The following MRTFA variants were observed in gnomAD, a reference collection of about 807,000 sequenced individuals.
MRTFA encodes myocardin related transcription factor A, also known as myocardin-related transcription factor A.
Under a neutral mutation model 83.5 loss-of-function variants are expected in MRTFA, and 20 were observed. The ratio of observed to expected loss-of-function variants is 0.24; its 90% CI spans 0.17 to 0.35. The LOEUF (loss-of-function observed/expected upper bound fraction) is 0.35, where lower values mean the gene tolerates loss of function less well. Among genes scored for constraint, MRTFA ranks in the 10% least tolerant of loss-of-function variants. The pLI is 1.00. For synonymous variants in MRTFA, 659 were observed against 541.2 expected (o/e 1.22, Z -3.02); for missense variants, 1,200 against 1,224.7 (o/e 0.98, Z 0.30).
At position 40,527,131 on chromosome 22, in the gene MRTFA, TACACAC is replaced by T. The variant is rs35912231; in HGVS notation, c.241+24969_241+24974del. 7.1e-3 allele frequency among the ~76,000 whole-genome samples: 1,046 copies of T among 146,462 alleles called. 10 individuals are homozygous for T. Among genetic ancestry groups the T allele is most frequent in the African/African-American group, 0.025 (997 of 39,726 alleles). On this transcript the variant is annotated intron_variant, in intron 3 of 14. Transcript: ENST00000355630. ...ACAGAGCAAGACCTCGCCTCAAAGATACACACACACACACACACACACACACAAATA... is the reference window on the plus strand; with the variant it reads ...ACAGAGCAAGACCTCGCCTCAAAGATACACACACACACACACACACAAATA...
rs763913389 is a variant in MRTFA, at chr22:40,418,523, G to T, written c.2215C>A (p.Gln739Lys). The T allele has an allele frequency of 6.3e-7, 1 of 1,590,028 alleles. No individual in the cohort carries two copies. The highest frequency in any genetic ancestry group is 8.5e-7 in the Non-Finnish European group (1 of 1,172,292). ...GGGCCCTGAGGCCCCAGAAGCAACT[G>T]GGGGGCGGGGACCGGCTCGGGCTCA... is the stretch of plus-strand genomic sequence containing the variant. The change falls in exon 12 of 15, where the codon CAG (glutamine) becomes AAG (lysine). Residue 739 changes from glutamine (Q) to lysine (K), a missense_variant. Coordinates refer to ENST00000355630, the MANE Select transcript of MRTFA (RefSeq NM_020831.6).
chr22:40,612,614 G>A (rs2056399629), intron 1 of MRTFA, among the ~76,000 whole-genome samples: 1 of 152,028 alleles, frequency 6.6e-6, no homozygotes, highest in African/African-American at 2.4e-5. Flanking sequence ...TTTGATAAGT[G>A]TATACTCTCA....
At chr22:40,575,842 T>C (rs957032993) in intron 2 of MRTFA, among the ~76,000 whole-genome samples, 3 of 152,168 alleles carry the variant, frequency 2.0e-5, no homozygotes, top group Admixed American at 6.5e-5. Context: ...CCGATGAGTA[T>C]AACAACAACT....
At chr22:40,550,437 G>A (rs1054730839) in intron 3 of MRTFA, among the ~76,000 whole-genome samples, 1 of 152,080 alleles carries the variant, frequency 6.6e-6, no homozygotes, top group African/African-American at 2.4e-5. Flanking sequence ...TGGACAGAGA[G>A]ACCAGTCAAA....
intron 3 of MRTFA, among the ~76,000 whole-genome samples, chr22:40,508,825 C>T (rs1167114845): frequency 7.0e-6 from 1 of 143,422 alleles, no homozygotes; most frequent in Admixed American, 7.2e-5. Context: ...GCCTGGGCAA[C>T]ATAGCGAGAC....
chr22:40,593,476 A>G (rs2056148907), intron 2 of MRTFA, among the ~76,000 whole-genome samples: 2 of 152,204 alleles, frequency 1.3e-5, no homozygotes, highest in Admixed American at 1.3e-4. Context: ...TCCATGGAAT[A>G]GTTTATTACC....
chr22:40,419,428 A>C, intron 11 of MRTFA, 44 bp from the exon 12 acceptor site: 4 of 1,567,172 alleles, frequency 2.6e-6, no homozygotes, highest in Non-Finnish European at 3.5e-6. Context: ...GCAGCTGGAC[A>C]CAGGGCACTG....
At chr22:40,527,386 T>G (rs956494681) in intron 3 of MRTFA, among the ~76,000 whole-genome samples, 6 of 152,008 alleles carry the variant, frequency 3.9e-5, no homozygotes, top group African/African-American at 1.2e-4. Flanking sequence ...AAGTGGAGTT[T>G]TTTTTTTTTG....
intron 1 of MRTFA, among the ~76,000 whole-genome samples, chr22:40,627,807 C>T (rs1410883059): frequency 3.3e-5 from 5 of 152,058 alleles, no homozygotes; most frequent in African/African-American, 1.2e-4. Flanking sequence ...TGTGACACCC[C>T]GCCTGCACAA....
At chr22:40,412,361 G>C (rs2052576594) in intron 14 of MRTFA, 1 of 152,560 alleles carries the variant, frequency 6.6e-6, no homozygotes, top group Non-Finnish European at 1.5e-5. Flanking sequence ...TGGAGCCCTT[G>C]TGCCCTGTGG....
intron 3 of MRTFA, 192 bp from the exon 4 acceptor site, chr22:40,463,478 C>T (rs2053752891): frequency 5.5e-6 from 3 of 542,748 alleles, no homozygotes; most frequent in East Asian, 6.0e-5. Flanking sequence ...CTGCTGTGGG[C>T]GGTGAGAGGA....
chr22:40,626,191 G>A (rs1446639101), intron 1 of MRTFA, among the ~76,000 whole-genome samples: 1 of 152,072 alleles, frequency 6.6e-6, no homozygotes, highest in Non-Finnish European at 1.5e-5. Context: ...TCGCCATCTT[G>A]GCAGACTGGT....
intron 1 of MRTFA, among the ~76,000 whole-genome samples, chr22:40,631,992 G>T (rs1464335020): frequency 6.6e-6 from 1 of 152,144 alleles, no homozygotes; most frequent in African/African-American, 2.4e-5. Context: ...TTCTTGTGTA[G>T]TCCCTTCCCA....
intron 3 of MRTFA, among the ~76,000 whole-genome samples, chr22:40,540,514 G>A (rs1234938684): frequency 6.6e-6 from 1 of 152,090 alleles, no homozygotes; most frequent in African/African-American, 2.4e-5. Context: ...TAGCCAGGCA[G>A]CGCGGTGGCT....
intron 2 of MRTFA, among the ~76,000 whole-genome samples, chr22:40,575,374 G>C (rs1026294033): frequency 2.6e-5 from 4 of 152,066 alleles, no homozygotes; most frequent in South Asian, 2.1e-4. Context: ...ATAAATGCTA[G>C]ATTTAGATAT....
chr22:40,570,577 C>CCAA (rs1366723006), intron 2 of MRTFA, among the ~76,000 whole-genome samples: 352 of 23,154 alleles, frequency 0.015, 10 homozygotes, highest in Middle Eastern at 0.095. Context: ...GACTCTGTCT[C>CCAA]AAAAAAAAAA....
chr22:40,411,308 A>G lies in MRTFA; in HGVS notation c.*82T>C. The G allele has an allele frequency of 7.1e-7, 1 of 1,409,050 alleles. No individual in the cohort carries two copies. The highest frequency in any genetic ancestry group is 1.4e-5 in the South Asian group (1 of 71,114). The allele number at this position is 1,409,050 out of a possible 1,614,324, so 87.3% of individuals were successfully genotyped here. A position where few individuals can be genotyped will look rare whatever the true frequency, so the allele number is the denominator to read the frequency against. On this transcript the variant is annotated 3_prime_UTR_variant, in exon 15 of 15. Transcript: ENST00000355630. ...ATTGTCAAGACTCACAACCATGTGG[A>G]GAGGCCGAATCACGCAGGAGAGCCA...
intron 3 of MRTFA, among the ~76,000 whole-genome samples, chr22:40,512,580 G>C (rs989762163): frequency 6.6e-6 from 1 of 152,214 alleles, no homozygotes; most frequent in Non-Finnish European, 1.5e-5. Flanking sequence ...GAGAGGTTGA[G>C]AGCTTTCGAA....
intron 2 of MRTFA, among the ~76,000 whole-genome samples, chr22:40,566,213 CTGATT>C (rs886182953): frequency 3.3e-5 from 5 of 151,118 alleles, no homozygotes; most frequent in Non-Finnish European, 7.4e-5. Context: ...GTGATATGAT[CTGATT>C]TATCATTTTT....
Sources: gnomAD v4.1 joint callset for allele counts (sites outside exome capture counted in the v4.1 genomes callset) on GRCh38, gnomAD v4.1.1 for gene constraint, MANE v1.5 for transcripts, NCBI Gene and HGNC (gene_info 2026-07-23, HGNC 2026-07-21) for gene names.